The following TPRA1 variants were observed in gnomAD, a reference collection of about 807,000 sequenced individuals.
TPRA1 encodes transmembrane protein adipocyte associated 1, also known as transmembrane protein adipocyte-associated 1.
TPRA1 carries 28 observed loss-of-function variants against 40.1 expected under a neutral mutation model. The observed-to-expected ratio is 0.70, with a 90% CI of 0.52 to 0.96. The LOEUF (loss-of-function observed/expected upper bound fraction) is 0.96. Ranked by LOEUF, TPRA1 falls within the 40% of genes least tolerant of loss-of-function variation. The pLI is 0.00. For missense variants in TPRA1, 441 were observed against 482.6 expected (o/e 0.91, Z 0.81); for synonymous variants, 219 against 209.7 (o/e 1.04, Z -0.38).
intron 8 of TPRA1, 102 bp downstream of exon 8, chr3:127,575,647 C>A: frequency 6.6e-7 from 1 of 1,525,072 alleles, no homozygotes; most frequent in Admixed American, 1.7e-5. Flanking sequence ...CAGCTCCCAG[C>A]CTGGAACTCT....
intron 1 of TPRA1, among the ~76,000 whole-genome samples, chr3:127,589,312 G>A (rs1406575920): frequency 6.6e-6 from 1 of 152,134 alleles, no homozygotes; most frequent in East Asian, 1.9e-4. Flanking sequence ...CAACAGGATT[G>A]ACCAAACCCC....
chr3:127,590,031 C>A (rs1479787541), intron 1 of TPRA1, among the ~76,000 whole-genome samples: 1 of 152,224 alleles, frequency 6.6e-6, no homozygotes, highest in Non-Finnish European at 1.5e-5. Context: ...CTCAGGAGCA[C>A]CTCGGCCGCT....
Position 127,576,869 on chromosome 3 carries a change from A to C in TPRA1, c.370T>G (p.Phe124Val). 1 of 1,613,872 alleles carries C rather than the reference A, an allele frequency of 6.2e-7. No homozygotes were observed. Among genetic ancestry groups the C allele is most frequent in the South Asian group, 1.1e-5 (1 of 91,088 alleles). Residue 124 changes from phenylalanine (F) to valine (V), a missense_variant, in exon 5 of 11, where the codon TTC becomes GTC. By Grantham distance (50) the Phe-to-Val change is conservative. Coordinates refer to ENST00000355552, the MANE Select transcript of TPRA1 (RefSeq NM_001136053.4). The surrounding 1 kb of genome is among the most constrained non-coding windows in gnomAD (Gnocchi z 4.6). The part of the protein sequence containing the change: ...DKILWEITRF[F>V]LLAIELSVII... Reference sequence around the variant, plus strand: ...ACACTCAGCTCGATGGCCAGCAGGAAGAAGCGGGTGATCTCCCACAGGATC... The same window carrying C: ...ACACTCAGCTCGATGGCCAGCAGGACGAAGCGGGTGATCTCCCACAGGATC...
chr3:127,572,133 GCTATCAACC>G lies in TPRA1; in HGVS notation c.*1379_*1387del, dbSNP rs375564172. Among the ~76,000 whole-genome samples the G allele has an allele frequency of 2.9e-3, 442 of 152,306 alleles. 1 individual carries two copies. Among genetic ancestry groups the G allele is most frequent in the African/African-American group, 9.8e-3 (408 of 41,568 alleles). On this transcript the variant is annotated 3_prime_UTR_variant, in exon 11 of 11. Coordinates refer to ENST00000355552, the MANE Select transcript of TPRA1 (RefSeq NM_001136053.4). Reference sequence around the variant, plus strand: ...ACTGGCCGTACTGTTGGCCCTGTCCGCTATCAACCCTCCAGGCCCTCCCAGGGAGCCTGA... The same window carrying G: ...ACTGGCCGTACTGTTGGCCCTGTCCGCTCCAGGCCCTCCCAGGGAGCCTGA...
intron 8 of TPRA1, 34 bp from the exon 9 acceptor site, chr3:127,575,539 A>C (rs770574957): frequency 6.6e-7 from 1 of 1,508,580 alleles, no homozygotes; most frequent in Non-Finnish European, 8.9e-7. Flanking sequence ...GTGAGGTCCC[A>C]CCCTGGACAG....
Position 127,573,674 on chromosome 3 carries a change from T to C in TPRA1, c.969A>G (p.Ala323=), listed in dbSNP as rs150366825. The change falls in exon 11 of 11, where the codon GCA becomes GCG. Residue 323 remains alanine, a synonymous_variant. Transcript: ENST00000355552. ...TGGCAGCTGAGGCCCCAGCAGCCCC[T>C]GCAGCCTCCAGGCCCTCCCGCCGGG... is the stretch of plus-strand genomic sequence containing the variant. ...AVARREGLEA[A]GAAGASAASY... The C allele has an allele frequency of 6.6e-5, 107 of 1,613,626 alleles. No homozygotes were observed. The African/African-American group carries it at 1.3e-3, about 19-fold the overall frequency.
chr3:127,578,486 G>A (rs547280293), intron 3 of TPRA1, among the ~76,000 whole-genome samples: 15 of 152,296 alleles, frequency 9.8e-5, no homozygotes, highest in African/African-American at 3.6e-4. Context: ...GATGGGCTGG[G>A]CCCTGTTATA....
At chr3:127,589,055 A>G (rs989805437) in intron 1 of TPRA1, among the ~76,000 whole-genome samples, 1 of 151,336 alleles carries the variant, frequency 6.6e-6, no homozygotes, top group African/African-American at 2.4e-5. Flanking sequence ...GGTGCAGAGC[A>G]CCCTGGGCAA....
chr3:127,577,131 AG>A (rs2073669167), intron 3 of TPRA1, 55 bp from the exon 4 acceptor site: 1 of 1,577,260 alleles, frequency 6.3e-7, no homozygotes, highest in African/African-American at 1.3e-5. Context: ...CTGCATCGGC[AG>A]GGGCAGCAAG....
chr3:127,575,893 T>A, intron 7 of TPRA1, 47 bp downstream of exon 7: 1 of 1,610,712 alleles, frequency 6.2e-7, no homozygotes. Flanking sequence ...AATCCCTACC[T>A]GGCCCTAAGG....
In TPRA1 at chr3:127,573,370, G is replaced by A; in HGVS notation, c.*151C>T. ...ATGGCAAAGGGGATTGGGAGCCCCA[G>A]GGAGGTGGGGCCTCCAGACTCATGG... is the stretch of plus-strand genomic sequence containing the variant. On this transcript the variant is annotated 3_prime_UTR_variant, in exon 11 of 11. Coordinates refer to ENST00000355552, the MANE Select transcript of TPRA1 (RefSeq NM_001136053.4). The A allele has an allele frequency of 2.0e-6, 2 of 1,016,538 alleles. No individual in the cohort carries two copies. Among genetic ancestry groups the A allele is most frequent in the South Asian group, 3.6e-5 (2 of 55,832 alleles). 63.0% of individuals were successfully genotyped at this position (1,016,538 alleles called of 1,614,324 possible). A position where few individuals can be genotyped will look rare whatever the true frequency, so the allele number is the denominator to read the frequency against.
At chr3:127,583,872 C>T (rs1049627686) in intron 1 of TPRA1, among the ~76,000 whole-genome samples, 52 of 151,846 alleles carry the variant, frequency 3.4e-4, no homozygotes, top group African/African-American at 9.7e-4. Flanking sequence ...GGTTTCATCA[C>T]GTTGGCCAGG....
At chr3:127,589,012 C>G (rs1363879171) in intron 1 of TPRA1, among the ~76,000 whole-genome samples, 3 of 151,318 alleles carry the variant, frequency 2.0e-5, no homozygotes, top group Non-Finnish European at 4.4e-5. Context: ...AGGGGTGGAG[C>G]CCAGGGGTGA....
At chr3:127,584,308 G>C (rs149665082) in intron 1 of TPRA1, among the ~76,000 whole-genome samples, 20 of 151,078 alleles carry the variant, frequency 1.3e-4, no homozygotes, top group African/African-American at 4.9e-4. Context: ...AGGTATGGTG[G>C]TGCATACCTG....
chr3:127,583,189 T>G (rs1338999642), intron 1 of TPRA1, among the ~76,000 whole-genome samples: 2 of 150,442 alleles, frequency 1.3e-5, no homozygotes, highest in African/African-American at 4.9e-5. Flanking sequence ...GGTGCATGCC[T>G]GTAATCCCAG....
chr3:127,588,724 ACT>A (rs2074077527), intron 1 of TPRA1, among the ~76,000 whole-genome samples: 1 of 152,158 alleles, frequency 6.6e-6, no homozygotes, highest in Admixed American at 6.5e-5. Context: ...CCTGGCCCGC[ACT>A]GACTTTTAGT....
Position 127,576,529 on chromosome 3 carries a change from A to G in TPRA1, c.498+88T>C, listed in dbSNP as rs897737904. 11 of 1,301,626 alleles carry G rather than the reference A, an allele frequency of 8.5e-6. No individual in the cohort carries two copies. Among genetic ancestry groups the G allele is most frequent in the Non-Finnish European group, 1.2e-5 (11 of 950,366 alleles). The allele number at this position is 1,301,626 out of a possible 1,614,324, so 80.6% of individuals were successfully genotyped here. A position where few individuals can be genotyped will look rare whatever the true frequency, so the allele number is the denominator to read the frequency against. On this transcript the variant is annotated intron_variant, in intron 6 of 10. Transcript: ENST00000355552. This position sits in a 1 kb window ranked among gnomAD's most constrained non-coding sequence, Gnocchi z 4.6. ...AAGTTTTGAGAACTCTGAAGGTGAT[A>G]AAGACTGGAAACCTGACCCAGACCC... is the stretch of plus-strand genomic sequence containing the variant.
intron 1 of TPRA1, among the ~76,000 whole-genome samples, chr3:127,583,962 C>A (rs2073916045): frequency 6.6e-6 from 1 of 151,928 alleles, no homozygotes; most frequent in South Asian, 2.1e-4. Flanking sequence ...AGCCACCATG[C>A]CCAGCCCACA....
intron 10 of TPRA1, among the ~76,000 whole-genome samples, chr3:127,574,597 G>A (rs1236577780): frequency 2.0e-5 from 3 of 152,210 alleles, no homozygotes; most frequent in Admixed American, 6.5e-5. Context: ...ATTTGCATCC[G>A]CTGTGGGCCT....
Sources: gnomAD v4.1 joint callset for allele counts (sites outside exome capture counted in the v4.1 genomes callset) on GRCh38, gnomAD v4.1.1 for gene constraint, Gnocchi (gnomAD v3.1) non-coding constraint, MANE v1.5 for transcripts, NCBI Gene and HGNC (gene_info 2026-07-23, HGNC 2026-07-21) for gene names.